Variants in NUP210L observed in about 807,000 individuals in gnomAD.
NUP210L encodes nucleoporin 210 like.
NUP210L carries 74 observed loss-of-function variants against 208.5 expected under a neutral mutation model. The observed-to-expected ratio is 0.35, with a 90% CI of 0.29 to 0.43. The LOEUF (loss-of-function observed/expected upper bound fraction) is 0.43, where lower values mean the gene tolerates loss of function less well. Among genes scored for constraint, NUP210L ranks in the 20% least tolerant of loss-of-function variants. NUP210L has a pLI of 1.00. For missense variants in NUP210L, 1,843 were observed against 2,289.4 expected (o/e 0.81, Z 3.98); for synonymous variants, 780 against 816.9 (o/e 0.95, Z 0.77).
rs1294796463 is a variant in NUP210L, at chr1:154,127,340, T to C, written c.1156A>G (p.Lys386Glu). ...GAAATATAGACCTTTGTGCTGCTTT[T>C]ATCAAAGACGTCTACTGTAATGACA... Residue 386 changes from lysine to glutamate, a missense_variant, in exon 9 of 40, where the codon AAA becomes GAA. This residue lies in a region of NUP210L where 542 missense variants were observed against 606.4 expected (regional missense o/e 0.89). Coordinates refer to ENST00000368559, the Ensembl canonical transcript of NUP210L. The C allele has an allele frequency of 1.9e-6, 3 of 1,599,748 alleles. No homozygotes were observed. Among genetic ancestry groups the C allele is most frequent in the Non-Finnish European group, 2.6e-6 (3 of 1,168,286 alleles).
intron 16 of NUP210L, among the ~76,000 whole-genome samples, chr1:154,087,484 G>A (rs2148041534): frequency 6.6e-6 from 1 of 152,278 alleles, no homozygotes; most frequent in Middle Eastern, 3.4e-3. Context: ...CTCACACACT[G>A]CTAGTGGAAA....
At chr1:154,123,877 A>AT (rs1017140631) in intron 10 of NUP210L, among the ~76,000 whole-genome samples, 1 of 148,718 alleles carries the variant, frequency 6.7e-6, no homozygotes, top group Non-Finnish European at 1.5e-5. Context: ...GACTGTCTCA[A>AT]TTAAAAAAAA....
At chr1:154,045,366 T>C (rs1653115743) in intron 27 of NUP210L, among the ~76,000 whole-genome samples, 1 of 152,270 alleles carries the variant, frequency 6.6e-6, no homozygotes, top group East Asian at 1.9e-4. Context: ...TGTCTGAACA[T>C]GATAAAAAAT....
intron 12 of NUP210L, among the ~76,000 whole-genome samples, chr1:154,109,330 G>A (rs2148077721): frequency 6.6e-6 from 1 of 151,718 alleles, no homozygotes; most frequent in Admixed American, 6.6e-5. Flanking sequence ...GGTCAATTCA[G>A]CAAGAGGATA....
At chr1:154,022,774 C>T (rs1187843851) in intron 31 of NUP210L, among the ~76,000 whole-genome samples, 1 of 149,854 alleles carries the variant, frequency 6.7e-6, no homozygotes, top group Non-Finnish European at 1.5e-5. Flanking sequence ...GCCTCCTGGG[C>T]TCAAGTGATC....
chr1:154,000,091 A>G (rs1184703321), intron 37 of NUP210L, among the ~76,000 whole-genome samples: 3 of 152,076 alleles, frequency 2.0e-5, no homozygotes, highest in Non-Finnish European at 4.4e-5. Flanking sequence ...TCGGCCTCCC[A>G]AAGTGCTGGA....
chr1:154,073,812 CTCAA>C (rs1237953670), intron 16 of NUP210L, among the ~76,000 whole-genome samples: 3 of 88,730 alleles, frequency 3.4e-5, no homozygotes, highest in Non-Finnish European at 4.8e-5. Flanking sequence ...GAGACTCTGT[CTCAA>C]TAAATAAATA....
At chr1:154,131,931 T>C (rs1248882910) in intron 7 of NUP210L, among the ~76,000 whole-genome samples, 2 of 152,138 alleles carry the variant, frequency 1.3e-5, no homozygotes, top group African/African-American at 4.8e-5. Flanking sequence ...CAGGAGTTCC[T>C]CCCGAGTAGC....
At chr1:154,112,878 C>T (rs1209933774) in intron 12 of NUP210L, among the ~76,000 whole-genome samples, 1 of 148,734 alleles carries the variant, frequency 6.7e-6, no homozygotes, top group African/African-American at 2.5e-5. Flanking sequence ...AAAAAAAGGC[C>T]AGGTGCAGTG....
chr1:154,052,583 A>G (rs1239395659), intron 25 of NUP210L, among the ~76,000 whole-genome samples: 1 of 152,226 alleles, frequency 6.6e-6, no homozygotes, highest in South Asian at 2.1e-4. Flanking sequence ...ACAGAGAACA[A>G]TTATACTTAT....
chr1:154,009,596 G>A (rs914456750), intron 35 of NUP210L, among the ~76,000 whole-genome samples: 3 of 138,788 alleles, frequency 2.2e-5, no homozygotes, highest in Admixed American at 7.9e-5. Flanking sequence ...AGACCAGCCT[G>A]GGCAATATAG....
At chr1:154,006,817 C>CATATATATAT (rs376666558) in intron 35 of NUP210L, among the ~76,000 whole-genome samples, 16 of 114,660 alleles carry the variant, frequency 1.4e-4, no homozygotes, top group African/African-American at 5.0e-4. Context: ...CTTACCATGC[C>CATATATATAT]ATATATATAT....
At chr1:154,078,175 C>T (rs958338738) in intron 16 of NUP210L, among the ~76,000 whole-genome samples, 6 of 150,116 alleles carry the variant, frequency 4.0e-5, no homozygotes, top group African/African-American at 1.5e-4. Context: ...TAGCTAGGCA[C>T]AGTGGCGTGC....
intron 16 of NUP210L, among the ~76,000 whole-genome samples, chr1:154,076,743 A>C (rs1045466353): frequency 6.6e-6 from 1 of 152,156 alleles, no homozygotes. Flanking sequence ...CATACGTACC[A>C]GTATATGCAA....
intron 37 of NUP210L, among the ~76,000 whole-genome samples, chr1:153,996,817 A>T (rs936172951): frequency 6.7e-6 from 1 of 150,130 alleles, no homozygotes; most frequent in Non-Finnish European, 1.5e-5. Context: ...ATTTGTATCT[A>T]ACCTTATCCT....
intron 2 of NUP210L, among the ~76,000 whole-genome samples, chr1:154,150,656 A>G (rs1457218032): frequency 7.7e-6 from 1 of 129,312 alleles, no homozygotes; most frequent in Non-Finnish European, 1.6e-5. Context: ...TGAACCCAGG[A>G]GGTGGAGGTT....
At chr1:154,049,305 CA>C (rs1236764177) in intron 25 of NUP210L, among the ~76,000 whole-genome samples, 2 of 152,130 alleles carry the variant, frequency 1.3e-5, no homozygotes, top group Admixed American at 6.6e-5. Context: ...ATGGGGAGCA[CA>C]AGTTCTAATT....
chr1:154,104,664 G>A (rs1486504686), intron 12 of NUP210L: 1 of 152,906 alleles, frequency 6.5e-6, no homozygotes, highest in Non-Finnish European at 1.5e-5. Context: ...CCTGTGGAAG[G>A]AGCATTTAGA....
At chr1:154,068,671 C>T (rs571887072) in intron 17 of NUP210L, among the ~76,000 whole-genome samples, 1 of 152,264 alleles carries the variant, frequency 6.6e-6, no homozygotes, top group East Asian at 1.9e-4. Context: ...CAGAGCAAGA[C>T]TCCATCTCAT....
Sources: allele counts gnomAD v4.1 joint callset (sites outside exome capture counted in the v4.1 genomes callset), GRCh38; gene constraint gnomAD v4.1.1; regional missense constraint gnomAD v4.1.1; transcripts MANE v1.5; gene names NCBI Gene and HGNC (gene_info 2026-07-23, HGNC 2026-07-21).